The following PDK1 variants were observed in gnomAD, a reference collection of about 807,000 sequenced individuals.
PDK1 encodes the protein [Pyruvate dehydrogenase (acetyl-transferring)] kinase isozyme 1, mitochondrial.
A neutral mutation model predicts 54.2 loss-of-function variants in PDK1; 39 were observed. That is an observed-to-expected ratio of 0.72 (90% CI 0.56 to 0.94). The LOEUF (loss-of-function observed/expected upper bound fraction) is 0.94. Among genes scored for constraint, PDK1 ranks in the 40% least tolerant of loss-of-function variants. The pLI is 0.00. For missense variants in PDK1, 552 were observed against 566.0 expected (o/e 0.98, Z 0.25); for synonymous variants, 221 against 207.1 (o/e 1.07, Z -0.58).
chr2:172,717,279 T>A, the PDK1 span, among the ~76,000 whole-genome samples: 10 of 152,168 alleles, frequency 6.6e-5, no homozygotes, highest in African/African-American at 2.2e-4. Context: ...AAGCTCCAGA[T>A]GGATCTTGAG....
At chr2:172,557,902 G>A (rs914154270) in intron 1 of PDK1, among the ~76,000 whole-genome samples, 1 of 152,086 alleles carries the variant, frequency 6.6e-6, no homozygotes, top group African/African-American at 2.4e-5. Context: ...ACCCAGGCTG[G>A]AGTGCAGTGG....
At chr2:172,707,495 T>C in the PDK1 span, among the ~76,000 whole-genome samples, 1 of 152,152 alleles carries the variant, frequency 6.6e-6, no homozygotes, top group Admixed American at 6.5e-5. Context: ...GCATTTATTG[T>C]CTGCACGGGA....
At chr2:172,556,561 C>T (rs1688339412) in intron 1 of PDK1, 4 of 422,934 alleles carry the variant, frequency 9.5e-6, no homozygotes, top group Non-Finnish European at 1.7e-5. Context: ...GTGGCTTTGA[C>T]CGTATTGTTG....
rs1042390650 is a variant in PDK1, at chr2:172,558,605, C to A, written c.197-103C>A. 2.5e-5 allele frequency: 26 copies of A among 1,034,684 alleles called. No homozygotes were observed. The African/African-American group carries it at 4.0e-4, about 16-fold the overall frequency. 64.1% of individuals were successfully genotyped at this position (1,034,684 alleles called of 1,614,324 possible). ...CTGCCCCATCGTGGTGATTCTATCC[C>A]TCTGGCCTTGCCGGATAACTTCCTC... is the stretch of plus-strand genomic sequence containing the variant. On this transcript the variant is annotated intron_variant, in intron 1 of 10. Coordinates refer to ENST00000282077, the MANE Select transcript of PDK1 (RefSeq NM_002610.5).
the PDK1 span, chr2:172,724,267 G>A: frequency 6.9e-6 from 1 of 144,444 alleles, no homozygotes; most frequent in African/African-American, 2.6e-5. Flanking sequence ...AAGCTGGTAA[G>A]TGAGATGGCA....
the PDK1 span, among the ~76,000 whole-genome samples, chr2:172,721,276 C>A: frequency 2.0e-5 from 3 of 152,254 alleles, no homozygotes; most frequent in East Asian, 3.9e-4. Flanking sequence ...TTTCTTATTT[C>A]TAGGGTGGAA....
At chr2:172,622,693 GTTTATAT>G in the PDK1 span, among the ~76,000 whole-genome samples, 13,947 of 146,636 alleles carry the variant, frequency 0.095, 896 homozygotes, top group Non-Finnish European at 0.13. Flanking sequence ...TGTGAGATAT[GTTTATAT>G]CTCATATATT....
chr2:172,700,376 G>A, the PDK1 span, among the ~76,000 whole-genome samples: 1 of 150,236 alleles, frequency 6.7e-6, no homozygotes, highest in African/African-American at 2.4e-5. Flanking sequence ...TGGCGGCGGG[G>A]CAGAGACACT....
the PDK1 span, among the ~76,000 whole-genome samples, chr2:172,646,710 C>G: frequency 7.3e-6 from 1 of 137,644 alleles, no homozygotes; most frequent in Non-Finnish European, 1.6e-5. Flanking sequence ...TGCTTCAAGT[C>G]AGAGAGACCC....
chr2:172,558,923 T>A, intron 2 of PDK1, 74 bp downstream of exon 2: 1 of 1,374,302 alleles, frequency 7.3e-7, no homozygotes, highest in South Asian at 1.3e-5. Context: ...AATGCTTTTT[T>A]TTACTCTTTG....
chr2:172,603,056 A>C lies in PDK1; in HGVS notation c.*7087A>C, dbSNP rs981780622. On this transcript the variant is annotated 3_prime_UTR_variant, in exon 11 of 11. Coordinates refer to ENST00000282077, the MANE Select transcript of PDK1 (RefSeq NM_002610.5). ...TCACCTGGAGATCTTGAGCAAATGC[A>C]GACTGGTTCAGCAGATCTGGAGTGG... is the stretch of plus-strand genomic sequence containing the variant. The C allele has an allele frequency of 6.6e-6, 1 of 152,234 alleles. No homozygotes were observed. The highest frequency in any genetic ancestry group is 2.4e-5 in the African/African-American group (1 of 41,460). The allele number at this position is 152,234 out of a possible 1,614,324, so 9.4% of individuals were successfully genotyped here. A position where few individuals can be genotyped will look rare whatever the true frequency, so the allele number is the denominator to read the frequency against.
At chr2:172,618,464 T>C in the PDK1 span, among the ~76,000 whole-genome samples, 5 of 152,206 alleles carry the variant, frequency 3.3e-5, no homozygotes, top group Admixed American at 2.0e-4. Flanking sequence ...TGCTTCACTT[T>C]AATAATCATC....
chr2:172,702,604 C>CTTT, the PDK1 span, among the ~76,000 whole-genome samples: 139 of 139,772 alleles, frequency 9.9e-4, 2 homozygotes, highest in Admixed American at 3.6e-4. Context: ...TCCTAACTGC[C>CTTT]TTTTTTTTTT....
intron 2 of PDK1, 133 bp from the exon 3 acceptor site, chr2:172,562,087 T>C: frequency 1.8e-6 from 1 of 545,840 alleles, no homozygotes; most frequent in South Asian, 2.7e-5. Context: ...AAAATTATAC[T>C]TCAACCATAA....
the PDK1 span, among the ~76,000 whole-genome samples, chr2:172,686,410 T>A: frequency 6.6e-6 from 1 of 152,188 alleles, no homozygotes; most frequent in African/African-American, 2.4e-5. Flanking sequence ...ATCAGTGCTC[T>A]GTAAAAACAC....
At chr2:172,666,441 A>T in the PDK1 span, among the ~76,000 whole-genome samples, 1 of 152,190 alleles carries the variant, frequency 6.6e-6, no homozygotes, top group African/African-American at 2.4e-5. Context: ...TTGTGGATGG[A>T]GCAATGGCGA....
chr2:172,668,924 G>T, the PDK1 span, among the ~76,000 whole-genome samples: 39 of 146,602 alleles, frequency 2.7e-4, no homozygotes, highest in Middle Eastern at 7.0e-3. Context: ...GAGAGAGAGA[G>T]AGAGAGAGAG....
At chr2:172,632,991 A>AAAAAAAAAAAAAAAAAAAACAAAAAAC in the PDK1 span, among the ~76,000 whole-genome samples, 17 of 147,568 alleles carry the variant, frequency 1.2e-4, no homozygotes, top group African/African-American at 4.2e-4. Context: ...AAAAAAAAAA[A>AAAAAAAAAAAAAAAAAAAACAAAAAAC]AAGGAACATA....
the PDK1 span, among the ~76,000 whole-genome samples, chr2:172,714,007 G>A: frequency 1.3e-5 from 2 of 152,228 alleles, no homozygotes; most frequent in African/African-American, 4.8e-5. Flanking sequence ...GAGAAAAGAC[G>A]ACAGATGAAG....
Sources: allele counts gnomAD v4.1 joint callset (sites outside exome capture counted in the v4.1 genomes callset), GRCh38; gene constraint gnomAD v4.1.1; transcripts MANE v1.5; gene names NCBI Gene and HGNC (gene_info 2026-07-23, HGNC 2026-07-21).